CSMD1: variants seen among roughly 807,000 people sequenced by gnomAD.
The protein encoded by CSMD1 is CUB and sushi domain-containing protein 1.
A neutral mutation model predicts 417.5 loss-of-function variants in CSMD1; 213 were observed. That is an observed-to-expected ratio of 0.51 (90% CI 0.46 to 0.57). The LOEUF is 0.57. Among genes scored for constraint, CSMD1 ranks in the 20% least tolerant of loss-of-function variants. The pLI is 0.00. For missense variants in CSMD1, 6,923 were observed against 4,529.7 expected (o/e 1.53, Z -15.17); for synonymous variants, 2,862 against 1,736.8 (o/e 1.65, Z -16.11).
chr8:4,556,027 C>T (rs902813223), intron 2 of CSMD1, among the ~76,000 whole-genome samples: 6 of 151,956 alleles, frequency 3.9e-5, no homozygotes, highest in Non-Finnish European at 7.4e-5. Flanking sequence ...TTCCCTTATA[C>T]TCAATGAATT....
At chr8:3,615,253 A>C (rs1323561526) in intron 8 of CSMD1, among the ~76,000 whole-genome samples, 1 of 152,138 alleles carries the variant, frequency 6.6e-6, no homozygotes, top group African/African-American at 2.4e-5. Flanking sequence ...AAGTGGGTAC[A>C]AAAGGTGAGG....
At chr8:4,058,359 G>C (rs1406809589) in intron 3 of CSMD1, among the ~76,000 whole-genome samples, 1 of 152,092 alleles carries the variant, frequency 6.6e-6, no homozygotes, top group Non-Finnish European at 1.5e-5. Context: ...ATATAAGAAT[G>C]CTTGTGATTT....
rs935874902 is a variant in CSMD1, at chr8:4,896,347, T to A, written c.85+97985A>T. On this transcript the variant is annotated intron_variant, in intron 1 of 69. Transcript: ENST00000635120. ...TTAATTCACACTTTAATCTGCATATTTGAGCTTAACACAGGGAGCATTGCT... is the reference window on the plus strand; with the variant it reads ...TTAATTCACACTTTAATCTGCATATATGAGCTTAACACAGGGAGCATTGCT... Among the ~76,000 whole-genome samples, 3 of 152,110 alleles carry A rather than the reference T, an allele frequency of 2.0e-5. No individual in the cohort carries two copies. In the East Asian group the frequency reaches 5.8e-4, roughly 29 times the overall value.
intron 10 of CSMD1, among the ~76,000 whole-genome samples, chr8:3,526,960 T>C (rs1045155937): frequency 3.9e-5 from 6 of 152,164 alleles, no homozygotes; most frequent in African/African-American, 9.7e-5. Context: ...GTCTATGTTG[T>C]TGGGTGCAGC....
intron 1 of CSMD1, among the ~76,000 whole-genome samples, chr8:4,916,612 T>C (rs1315011084): frequency 6.6e-6 from 1 of 152,212 alleles, no homozygotes; most frequent in Non-Finnish European, 1.5e-5. Context: ...TCATCCTACT[T>C]GGGGAAACTC....
chr8:4,935,769 G>A (rs573942952), intron 1 of CSMD1, among the ~76,000 whole-genome samples: 1 of 152,164 alleles, frequency 6.6e-6, no homozygotes, highest in Non-Finnish European at 1.5e-5. Flanking sequence ...TCTGTGATTA[G>A]AAAGAAAGAC....
At chr8:3,614,969 G>C (rs1238272504) in intron 8 of CSMD1, among the ~76,000 whole-genome samples, 1 of 152,186 alleles carries the variant, frequency 6.6e-6, no homozygotes, top group African/African-American at 2.4e-5. Context: ...CATGACTGTT[G>C]ACACAAGGAA....
chr8:3,395,583 T>C (rs1811639900), intron 17 of CSMD1, among the ~76,000 whole-genome samples: 2 of 152,220 alleles, frequency 1.3e-5, no homozygotes, highest in South Asian at 4.1e-4. Context: ...GTTTGCAAAA[T>C]ACATTCCATT....
intron 12 of CSMD1, among the ~76,000 whole-genome samples, chr8:3,443,454 C>A (rs1288432147): frequency 1.3e-5 from 2 of 152,156 alleles, no homozygotes; most frequent in Non-Finnish European, 2.9e-5. Flanking sequence ...GGCGGGTTGA[C>A]ACAAACATCT....
intron 2 of CSMD1, among the ~76,000 whole-genome samples, chr8:4,437,361 A>C (rs1364297005): frequency 6.6e-6 from 1 of 152,202 alleles, no homozygotes; most frequent in Non-Finnish European, 1.5e-5. Context: ...AGGTATTGCT[A>C]ACATCCTTGT....
intron 17 of CSMD1, 102 bp from the exon 18 acceptor site, chr8:3,387,784 G>T: frequency 2.1e-6 from 2 of 938,500 alleles, no homozygotes; most frequent in Non-Finnish European, 1.6e-6. Context: ...GAAATAATAA[G>T]ACCTGAAACA....
At chr8:4,835,469 G>A (rs1199380055) in intron 1 of CSMD1, among the ~76,000 whole-genome samples, 1 of 152,130 alleles carries the variant, frequency 6.6e-6, no homozygotes, top group Non-Finnish European at 1.5e-5. Flanking sequence ...GAGAGACAGT[G>A]GATTCTTATG....
intron 2 of CSMD1, among the ~76,000 whole-genome samples, chr8:4,509,916 G>T (rs915423871): frequency 6.6e-6 from 1 of 152,134 alleles, no homozygotes; most frequent in Non-Finnish European, 1.5e-5. Context: ...TGGTTTACCT[G>T]ATAGAGGTAT....
At position 3,010,408 on chromosome 8, in the gene CSMD1, G is replaced by A. The variant is rs117225590; in HGVS notation, c.8029+8069C>T. Among the ~76,000 whole-genome samples the A allele has an allele frequency of 5.7e-3, 861 of 152,294 alleles. 10 individuals carry two copies. Among genetic ancestry groups the A allele is most frequent in the Middle Eastern group, 0.017 (5 of 294 alleles). On this transcript the variant is annotated intron_variant, in intron 52 of 69. Transcript: ENST00000635120. ...CAGCTCAAAACCTGCCCTAGAGCGG[G>A]TGTCAGAGTTATCAGATCTTTTCCA... is the stretch of plus-strand genomic sequence containing the variant.
intron 5 of CSMD1, among the ~76,000 whole-genome samples, chr8:3,874,567 C>T (rs1476959230): frequency 6.6e-6 from 1 of 152,122 alleles, no homozygotes; most frequent in Non-Finnish European, 1.5e-5. Flanking sequence ...ATGTTGCTGC[C>T]TCTGTGATGG....
At chr8:3,982,730 G>C (rs556229623) in intron 5 of CSMD1, among the ~76,000 whole-genome samples, 3 of 152,136 alleles carry the variant, frequency 2.0e-5, no homozygotes, top group Non-Finnish European at 4.4e-5. Context: ...CCCGGCATCT[G>C]TAGGAGGCTT....
chr8:4,005,710 T>C (rs1036523953), intron 4 of CSMD1, among the ~76,000 whole-genome samples: 9 of 152,226 alleles, frequency 5.9e-5, no homozygotes, highest in African/African-American at 2.2e-4. Context: ...CAAGACTCCC[T>C]CATTTGATTT....
At chr8:3,814,988 T>C (rs1801295532) in intron 5 of CSMD1, among the ~76,000 whole-genome samples, 1 of 152,220 alleles carries the variant, frequency 6.6e-6, no homozygotes. Flanking sequence ...TGCATAATAA[T>C]TACTAAATTA....
chr8:4,961,208 G>A (rs551823997), intron 1 of CSMD1, among the ~76,000 whole-genome samples: 7 of 152,182 alleles, frequency 4.6e-5, no homozygotes, highest in African/African-American at 1.7e-4. Flanking sequence ...AGTATTCTGT[G>A]TAACTAGTGA....
Sources: allele counts gnomAD v4.1 joint callset (sites outside exome capture counted in the v4.1 genomes callset), GRCh38; gene constraint gnomAD v4.1.1; transcripts MANE v1.5; gene names NCBI Gene and HGNC (gene_info 2026-07-23, HGNC 2026-07-21).